The following MBNL1 variants were observed in gnomAD, a reference collection of about 807,000 sequenced individuals.
MBNL1 encodes muscleblind-like protein 1.
A neutral mutation model predicts 42.2 loss-of-function variants in MBNL1; 8 were observed. The observed-to-expected ratio is 0.19, with a 90% CI of 0.11 to 0.34. MBNL1 has a LOEUF of 0.34. MBNL1 is among the 10% of genes least tolerant of loss of function. The pLI is 1.00. For missense variants in MBNL1, 309 were observed against 495.3 expected (o/e 0.62, Z 3.57); for synonymous variants, 169 against 173.9 (o/e 0.97, Z 0.22).
intron 3 of MBNL1, among the ~76,000 whole-genome samples, chr3:152,426,498 C>T (rs2098933798): frequency 6.6e-6 from 1 of 152,178 alleles, no homozygotes; most frequent in African/African-American, 2.4e-5. Flanking sequence ...TATATCATGG[C>T]TTGCAACCTG....
At chr3:152,268,615 T>C (rs2037951577), upstream of MBNL1, 1 of 396,214 alleles carries the variant, frequency 2.5e-6, no homozygotes, top group Non-Finnish European at 5.0e-6. Context: ...AGATGGAAGA[T>C]ACCAACGGGA....
intron 2 of MBNL1, among the ~76,000 whole-genome samples, chr3:152,383,814 G>GCT (rs764888932): frequency 0.01 from 1,567 of 152,160 alleles, 10 homozygotes; most frequent in Non-Finnish European, 0.015. Context: ...TAATGTGGAA[G>GCT]GGTACGTCTT....
chr3:152,332,173 A>G (rs2085142077), intron 2 of MBNL1, among the ~76,000 whole-genome samples: 1 of 152,226 alleles, frequency 6.6e-6, no homozygotes, highest in Non-Finnish European at 1.5e-5. Flanking sequence ...AAGAGTCATG[A>G]TTCCTCCTAG....
At chr3:152,396,035 C>T (rs1172038776) in intron 2 of MBNL1, 4 of 161,374 alleles carry the variant, frequency 2.5e-5, no homozygotes, top group African/African-American at 4.8e-5. Context: ...CCTGTCAGAT[C>T]AGTGACAACG....
intron 2 of MBNL1, among the ~76,000 whole-genome samples, chr3:152,246,677 T>C (rs1372421169): frequency 6.6e-6 from 1 of 152,102 alleles, no homozygotes; most frequent in Non-Finnish European, 1.5e-5. Context: ...GACATGATTG[T>C]CTAAGAAGTT....
At chr3:152,426,560 A>C (rs951809551) in intron 3 of MBNL1, among the ~76,000 whole-genome samples, 2 of 152,162 alleles carry the variant, frequency 1.3e-5, no homozygotes, top group Non-Finnish European at 2.9e-5. Context: ...TCCTTCAGAA[A>C]TTCTGTTGTT....
At chr3:152,271,362 T>C (rs766582107) in intron 1 of MBNL1, among the ~76,000 whole-genome samples, 45 of 152,252 alleles carry the variant, frequency 3.0e-4, no homozygotes, top group Admixed American at 2.6e-4. Context: ...TTGAAAATTG[T>C]ATTTCTCATT....
chr3:152,422,917 G>A (rs1000238018), intron 3 of MBNL1, among the ~76,000 whole-genome samples: 2 of 152,148 alleles, frequency 1.3e-5, no homozygotes, highest in Non-Finnish European at 2.9e-5. Context: ...AAGACACAAT[G>A]TACCAGAATC....
chr3:152,348,451 G>T (rs942068996), intron 2 of MBNL1, among the ~76,000 whole-genome samples: 1 of 152,006 alleles, frequency 6.6e-6, no homozygotes, highest in Non-Finnish European at 1.5e-5. Flanking sequence ...GTATTACAAA[G>T]AATTCACTTA....
At chr3:152,329,174 G>A (rs2152558478) in intron 2 of MBNL1, among the ~76,000 whole-genome samples, 1 of 152,096 alleles carries the variant, frequency 6.6e-6, no homozygotes, top group South Asian at 2.1e-4. Context: ...TTATTTGGGA[G>A]CTAAACTGGG....
At chr3:152,360,954 T>C (rs1159661192) in intron 2 of MBNL1, among the ~76,000 whole-genome samples, 2 of 152,192 alleles carry the variant, frequency 1.3e-5, no homozygotes, top group African/African-American at 4.8e-5. Context: ...ATCAAATATA[T>C]ATTAAGCAGC....
At chr3:152,318,306 A>G (rs1367335726) in intron 2 of MBNL1, among the ~76,000 whole-genome samples, 1 of 152,180 alleles carries the variant, frequency 6.6e-6, no homozygotes, top group Non-Finnish European at 1.5e-5. Flanking sequence ...AAATGTATTT[A>G]TCTTACGACA....
At chr3:152,456,427 A>C in intron 8 of MBNL1, 66 bp downstream of exon 8, 3 of 1,289,812 alleles carry the variant, frequency 2.3e-6, no homozygotes, top group Admixed American at 3.4e-5. Context: ...AACAGCCCTT[A>C]CGCACGTGGA....
intron 3 of MBNL1, among the ~76,000 whole-genome samples, chr3:152,428,179 ATATT>A (rs1278923440): frequency 4.6e-5 from 7 of 152,348 alleles, no homozygotes; most frequent in East Asian, 1.9e-4. Flanking sequence ...ATTCTAAAGA[ATATT>A]TAATGTATTT....
At chr3:152,459,225 G>T in intron 8 of MBNL1, 46 bp from the exon 9 acceptor site, 2 of 1,041,588 alleles carry the variant, frequency 1.9e-6, no homozygotes, top group South Asian at 3.1e-5. Context: ...CTTAATTGTT[G>T]GCTTGCTTGC....
chr3:152,414,580 T>C lies in MBNL1; in HGVS notation c.175-361T>C, dbSNP rs567535856. ...AAACTTGGATTCTTAAATCATTAAA[T>C]TTAACCAGGAAGATATTATGACAGA... On this transcript the variant is annotated intron_variant, in intron 2 of 9. Transcript: ENST00000324210. 1.9e-4 allele frequency among the ~76,000 whole-genome samples: 29 copies of C among 152,346 alleles called. No homozygotes were observed. The East Asian group carries it at 4.6e-3, about 24-fold the overall frequency.
chr3:152,428,385 G>C (rs1440520599), intron 3 of MBNL1, among the ~76,000 whole-genome samples: 1 of 152,160 alleles, frequency 6.6e-6, no homozygotes, highest in African/African-American at 2.4e-5. Context: ...ACTGGCAGTG[G>C]TATATGCTGA....
intron 1 of MBNL1, among the ~76,000 whole-genome samples, chr3:152,297,921 G>A (rs1462788008): frequency 6.6e-6 from 1 of 151,992 alleles, no homozygotes; most frequent in Non-Finnish European, 1.5e-5. Flanking sequence ...CCCAAAGTGC[G>A]GGGATTACAG....
At chr3:152,327,702 T>TA (rs1337318350) in intron 2 of MBNL1, among the ~76,000 whole-genome samples, 1 of 152,128 alleles carries the variant, frequency 6.6e-6, no homozygotes, top group African/African-American at 2.4e-5. Flanking sequence ...TGATGTGATT[T>TA]AAAAAATTGA....
Sources: allele counts gnomAD v4.1 joint callset (sites outside exome capture counted in the v4.1 genomes callset), GRCh38; gene constraint gnomAD v4.1.1; transcripts MANE v1.5; gene names NCBI Gene and HGNC (gene_info 2026-07-23, HGNC 2026-07-21).